USP47: variants seen among roughly 807,000 people sequenced by gnomAD.
USP47 encodes the protein ubiquitin specific peptidase 47, also known as ubiquitin carboxyl-terminal hydrolase 47.
In USP47, 35 loss-of-function variants were observed where a neutral mutation model predicts 165.1. The ratio of observed to expected loss-of-function variants is 0.21; its 90% CI spans 0.16 to 0.28. The LOEUF is 0.28. Among genes scored for constraint, USP47 ranks in the 10% least tolerant of loss-of-function variants. The pLI, the probability that USP47 is intolerant of heterozygous loss-of-function variation, is 1.00. For missense variants in USP47, 1,277 were observed against 1,607.4 expected (o/e 0.79, Z 3.52); for synonymous variants, 531 against 544.5 (o/e 0.98, Z 0.35).
chr11:11,959,624 C>A lies in USP47; in HGVS notation c.*3449C>A, dbSNP rs1004119143. Among the ~76,000 whole-genome samples the A allele has an allele frequency of 6.6e-6, 1 of 152,176 alleles. No individual in the cohort carries two copies. The highest frequency in any genetic ancestry group is 2.1e-4 in the South Asian group (1 of 4,832). ...ATTGTCACAACTTGACTTTCAGAAA[C>A]AAGAATACTGCACAAACTCAAGCAT... On this transcript the variant is annotated 3_prime_UTR_variant, in exon 28 of 28. Transcript: ENST00000527733.
chr11:11,953,805 A>G (rs1158433036), intron 25 of USP47, among the ~76,000 whole-genome samples: 3 of 152,250 alleles, frequency 2.0e-5, no homozygotes, highest in African/African-American at 7.2e-5. Context: ...TTAGAAAATC[A>G]AAAAATACCT....
chr11:11,918,854 C>G (rs1853616782), intron 8 of USP47, among the ~76,000 whole-genome samples: 1 of 152,056 alleles, frequency 6.6e-6, no homozygotes, highest in African/African-American at 2.4e-5. Flanking sequence ...TTTGGAAAGC[C>G]TGACATTTAG....
intron 1 of USP47, among the ~76,000 whole-genome samples, chr11:11,861,907 A>G (rs10831685): frequency 0.2 from 30,488 of 152,150 alleles, 3,809 homozygotes; most frequent in Non-Finnish European, 0.26. Flanking sequence ...ATACCATGAT[A>G]CATTGAACAA....
Position 11,942,834 on chromosome 11 carries a change from A to C in USP47, c.2813A>C (p.Asp938Ala). ...AATGACAGGAGTACAAGTTCAGTGG[A>C]CAGTGATATTCTTAGCTCCAGTCAT... ...VNNDRSTSSV[D>A]SDILSSSHSS... The change falls in exon 20 of 28, where the codon GAC becomes GCC. Residue 938 changes from aspartate (D) to alanine (A), a missense_variant. Around this residue, in one of 4 missense-constraint regions of USP47, gnomAD observed 909 missense variants for 1,068.1 expected, o/e 0.85. Coordinates refer to ENST00000527733, the MANE Select transcript of USP47 (RefSeq NM_001282659.2). 6.2e-7 allele frequency: 1 copy of C among 1,613,760 alleles called. No individual in the cohort carries two copies. Among genetic ancestry groups the C allele is most frequent in the Non-Finnish European group, 8.5e-7 (1 of 1,179,788 alleles).
intron 1 of USP47, among the ~76,000 whole-genome samples, chr11:11,864,219 ATATT>A (rs1165337939): frequency 6.6e-6 from 1 of 152,040 alleles, no homozygotes; most frequent in Non-Finnish European, 1.5e-5. Context: ...TTTTATGCTT[ATATT>A]TATTTATACA....
chr11:11,908,912 T>C (rs1852768110), intron 8 of USP47, among the ~76,000 whole-genome samples: 1 of 152,168 alleles, frequency 6.6e-6, no homozygotes, highest in South Asian at 2.1e-4. Flanking sequence ...CTTGATTAAA[T>C]AGATTTGGGA....
intron 1 of USP47, among the ~76,000 whole-genome samples, chr11:11,871,540 A>G (rs1278600542): frequency 9.3e-6 from 1 of 108,024 alleles, no homozygotes; most frequent in African/African-American, 3.1e-5. Context: ...AAAAAAAAAG[A>G]ATTCTGGTTG....
intron 1 of USP47, among the ~76,000 whole-genome samples, chr11:11,874,505 T>C (rs1160565885): frequency 1.3e-5 from 2 of 152,128 alleles, no homozygotes; most frequent in Non-Finnish European, 2.9e-5. Flanking sequence ...CCTTCATTAA[T>C]AGCCTTAGAA....
chr11:11,868,692 GT>G (rs200755764), intron 1 of USP47, among the ~76,000 whole-genome samples: 2,980 of 146,628 alleles, frequency 0.02, 75 homozygotes, highest in East Asian at 0.085. Flanking sequence ...TGTATATATA[GT>G]TTTTTTTTTT....
At chr11:11,950,337 GT>G in intron 23 of USP47, 26 bp from the exon 24 acceptor site, 1 of 1,446,006 alleles carries the variant, frequency 6.9e-7, no homozygotes, top group Non-Finnish European at 9.4e-7. Context: ...AATTATAGTC[GT>G]TTTAAATGTC....
intron 24 of USP47, chr11:11,950,769 C>G (rs2134871802): frequency 5.3e-6 from 1 of 187,096 alleles, no homozygotes; most frequent in Middle Eastern, 2.0e-3. Flanking sequence ...TCTCTGGTTC[C>G]CATTTGCCTT....
intron 1 of USP47, among the ~76,000 whole-genome samples, chr11:11,867,749 A>G (rs1849775374): frequency 6.6e-6 from 1 of 152,208 alleles, no homozygotes. Context: ...ACTTATGAAA[A>G]TAATTTTTGT....
intron 1 of USP47, among the ~76,000 whole-genome samples, chr11:11,865,360 A>G (rs1404243699): frequency 6.6e-6 from 1 of 151,760 alleles, no homozygotes; most frequent in South Asian, 2.1e-4. Flanking sequence ...TTTTTTCTTT[A>G]TTGTTCAAAC....
chr11:11,926,787 G>T (rs1259113446), intron 11 of USP47, among the ~76,000 whole-genome samples: 1 of 147,590 alleles, frequency 6.8e-6, no homozygotes, highest in African/African-American at 2.5e-5. Context: ...GTGGTATAAA[G>T]TTAGGTTATT....
At chr11:11,855,043 G>A (rs1317823101) in intron 1 of USP47, among the ~76,000 whole-genome samples, 1 of 151,786 alleles carries the variant, frequency 6.6e-6, no homozygotes, top group African/African-American at 2.4e-5. Flanking sequence ...TGCAGTGAGT[G>A]GAGATTGCAT....
chr11:11,944,401 A>G (rs905425234), intron 20 of USP47, among the ~76,000 whole-genome samples: 2 of 152,194 alleles, frequency 1.3e-5, no homozygotes, highest in African/African-American at 4.8e-5. Flanking sequence ...CACTGGAATC[A>G]TACAACATTC....
chr11:11,856,159 G>A (rs1849026875), intron 1 of USP47, among the ~76,000 whole-genome samples: 1 of 152,188 alleles, frequency 6.6e-6, no homozygotes, highest in Non-Finnish European at 1.5e-5. Context: ...AAGGCTTTGT[G>A]TGCCCAGAAA....
In USP47 at chr11:11,880,321, G is replaced by A; in HGVS notation, c.184G>A (p.Gly62Ser). The A allele has an allele frequency of 1.3e-5, 18 of 1,388,096 alleles. No individual in the cohort carries two copies. The highest frequency in any genetic ancestry group is 1.6e-5 in the Non-Finnish European group (17 of 1,077,962). The allele number at this position is 1,388,096 out of a possible 1,614,324, so 86.0% of individuals were successfully genotyped here. The stretch of plus-strand genomic sequence containing the variant: ...CTTTGAAGATGTGGCCAACAAAGTA[G>A]GCTACATAAATGGAACCTTTGACTT... ...KLFEDVANKV[G>S]YINGTFDLVW... Residue 62 changes from glycine (G) to serine (S), a missense_variant, in exon 2 of 28, where the codon GGC (glycine) becomes AGC (serine). Transcript: ENST00000527733.
intron 12 of USP47, 107 bp downstream of exon 12, chr11:11,929,672 C>G: frequency 7.0e-7 from 1 of 1,420,176 alleles, no homozygotes; most frequent in Non-Finnish European, 9.5e-7. Context: ...AGTGATACAT[C>G]TTAAGACCCA....
Sources: gnomAD v4.1 joint callset for allele counts (sites outside exome capture counted in the v4.1 genomes callset) on GRCh38, gnomAD v4.1.1 for gene constraint, gnomAD v4.1.1 regional missense constraint, MANE v1.5 for transcripts, NCBI Gene and HGNC (gene_info 2026-07-23, HGNC 2026-07-21) for gene names.